Variants in SLC35F3 observed in about 807,000 individuals in gnomAD.
The protein encoded by SLC35F3 is solute carrier family 35 member F3.
Under a neutral mutation model 49.9 loss-of-function variants are expected in SLC35F3, and 25 were observed. The observed-to-expected ratio is 0.50, with a 90% CI of 0.37 to 0.70. SLC35F3 has a LOEUF of 0.70. Ranked by LOEUF, SLC35F3 falls within the 30% of genes least tolerant of loss-of-function variation. The pLI, the probability that SLC35F3 is intolerant of heterozygous loss-of-function variation, is 0.00. For synonymous variants in SLC35F3, 275 were observed against 265.4 expected (o/e 1.04, Z -0.35); for missense variants, 525 against 639.8 (o/e 0.82, Z 1.94).
chr1:234,226,425 TC>T (rs1667286129), intron 2 of SLC35F3, among the ~76,000 whole-genome samples: 2 of 151,968 alleles, frequency 1.3e-5, no homozygotes, highest in Admixed American at 1.3e-4. Context: ...CCACTTATTC[TC>T]GGGGAAGCTC....
chr1:233,917,940 C>T (rs1661997762), intron 2 of SLC35F3, among the ~76,000 whole-genome samples: 1 of 152,260 alleles, frequency 6.6e-6, no homozygotes, highest in Non-Finnish European at 1.5e-5. Context: ...TTATTCAGCA[C>T]TTCCGTGCTT....
intron 2 of SLC35F3, among the ~76,000 whole-genome samples, chr1:234,110,598 T>C (rs1665391874): frequency 6.6e-6 from 1 of 152,246 alleles, no homozygotes. Context: ...ATACAGCCAA[T>C]CTTTTTAGTA....
intron 3 of SLC35F3, among the ~76,000 whole-genome samples, chr1:234,250,345 G>T (rs1039337205): frequency 6.6e-6 from 1 of 152,168 alleles, no homozygotes; most frequent in Non-Finnish European, 1.5e-5. Context: ...CTGAGGCTGG[G>T]TCACTTACAA....
intron 2 of SLC35F3, among the ~76,000 whole-genome samples, chr1:233,969,780 G>A (rs192360786): frequency 6.6e-6 from 1 of 152,332 alleles, no homozygotes; most frequent in East Asian, 1.9e-4. Context: ...GCAAGCCAAG[G>A]CTAGTAGGGT....
chr1:234,316,964 G>A (rs1179627601), intron 5 of SLC35F3, among the ~76,000 whole-genome samples: 1 of 152,218 alleles, frequency 6.6e-6, no homozygotes, highest in South Asian at 2.1e-4. Context: ...CCTATCTGTA[G>A]CCACATCGTT....
At chr1:233,983,066 C>T (rs942967323) in intron 2 of SLC35F3, among the ~76,000 whole-genome samples, 2 of 152,172 alleles carry the variant, frequency 1.3e-5, no homozygotes, top group Admixed American at 1.3e-4. Flanking sequence ...ACGTCATCCC[C>T]CTGCTCTTAC....
intron 2 of SLC35F3, among the ~76,000 whole-genome samples, chr1:233,929,529 C>T (rs1423188937): frequency 3.3e-5 from 5 of 152,178 alleles, no homozygotes; most frequent in Admixed American, 6.5e-5. Context: ...TTTCTTCTTA[C>T]CACTCTTTTT....
chr1:234,319,944 A>G (rs1657577912), intron 6 of SLC35F3, among the ~76,000 whole-genome samples, 154 bp from the exon 7 acceptor site: 1 of 152,154 alleles, frequency 6.6e-6, no homozygotes, highest in Admixed American at 6.5e-5. Flanking sequence ...TGGAGCCCCC[A>G]GAGGAACTCT....
At chr1:234,143,282 T>C (rs778667694) in intron 2 of SLC35F3, among the ~76,000 whole-genome samples, 35 of 124,238 alleles carry the variant, frequency 2.8e-4, no homozygotes, top group Middle Eastern at 7.4e-3. Flanking sequence ...TCTTTTCTTT[T>C]CTTTTCTTTT....
chr1:234,121,862 C>A (rs2102893669), intron 2 of SLC35F3, among the ~76,000 whole-genome samples: 1 of 152,278 alleles, frequency 6.6e-6, no homozygotes, highest in East Asian at 1.9e-4. Context: ...TGGTTTCCAG[C>A]TACATCCACA....
intron 2 of SLC35F3, among the ~76,000 whole-genome samples, chr1:234,113,104 ATAACTAT>A (rs1192850156): frequency 3.3e-5 from 5 of 152,294 alleles, no homozygotes; most frequent in African/African-American, 1.2e-4. Flanking sequence ...AAGAAAAGAA[ATAACTAT>A]TAATATATGT....
chr1:234,115,247 C>A (rs1204553002), intron 2 of SLC35F3, among the ~76,000 whole-genome samples: 2 of 152,154 alleles, frequency 1.3e-5, no homozygotes, highest in African/African-American at 2.4e-5. Flanking sequence ...AAGTACTCAT[C>A]GACACCTTTT....
At chr1:234,299,825 G>GAAAAAAA (rs1668666159) in intron 3 of SLC35F3, among the ~76,000 whole-genome samples, 1 of 103,432 alleles carries the variant, frequency 9.7e-6, no homozygotes. Flanking sequence ...AAAAAAAAAA[G>GAAAAAAA]AGAAGAAAAA....
chr1:234,064,787 A>G (rs776101645), intron 2 of SLC35F3, among the ~76,000 whole-genome samples: 8 of 152,210 alleles, frequency 5.3e-5, no homozygotes, highest in Non-Finnish European at 8.8e-5. Flanking sequence ...ACCTAGGGCC[A>G]TAAATTGTTA....
At chr1:234,105,045 G>A (rs1395335041) in intron 2 of SLC35F3, among the ~76,000 whole-genome samples, 2 of 151,184 alleles carry the variant, frequency 1.3e-5, no homozygotes, top group Non-Finnish European at 2.9e-5. Flanking sequence ...GGAGAATGGC[G>A]TGAACCGGGG....
At chr1:234,034,735 C>G (rs1027549365) in intron 2 of SLC35F3, among the ~76,000 whole-genome samples, 2 of 152,138 alleles carry the variant, frequency 1.3e-5, no homozygotes, top group Admixed American at 1.3e-4. Context: ...GTTGGCCAGG[C>G]TAGTCTCGAA....
At chr1:234,158,718 G>T (rs149519502) in intron 2 of SLC35F3, among the ~76,000 whole-genome samples, 1 of 152,156 alleles carries the variant, frequency 6.6e-6, no homozygotes, top group Admixed American at 6.5e-5. Flanking sequence ...TTGTCAAAAA[G>T]CATGTGCATA....
intron 2 of SLC35F3, among the ~76,000 whole-genome samples, chr1:234,096,885 C>CTTT (rs34404610): frequency 3.0e-5 from 4 of 132,106 alleles, no homozygotes; most frequent in Non-Finnish European, 4.8e-5. Flanking sequence ...TTGTTAAATT[C>CTTT]TTTTTTTTTT....
chr1:234,166,821 T>C (rs1160085605), intron 2 of SLC35F3, among the ~76,000 whole-genome samples: 5 of 152,230 alleles, frequency 3.3e-5, no homozygotes, highest in Non-Finnish European at 7.3e-5. Flanking sequence ...TTGAAAGATC[T>C]TGTGGTTCCT....
Sources: gnomAD v4.1 joint callset for allele counts (sites outside exome capture counted in the v4.1 genomes callset) on GRCh38, gnomAD v4.1.1 for gene constraint, MANE v1.5 for transcripts, NCBI Gene and HGNC (gene_info 2026-07-23, HGNC 2026-07-21) for gene names.